Variants in PCED1B observed in about 807,000 individuals in gnomAD.
PCED1B encodes PC-esterase domain-containing protein 1B.
For synonymous variants in PCED1B, 251 were observed against 246.1 expected (o/e 1.02, Z -0.19); for missense variants, 573 against 573.9 (o/e 1.00, Z 0.02).
At chr12:47,090,389 T>G (rs1011964143) in intron 1 of PCED1B, among the ~76,000 whole-genome samples, 15 of 152,154 alleles carry the variant, frequency 9.9e-5, no homozygotes, top group African/African-American at 3.6e-4. Context: ...TAAATATGTA[T>G]ATCGAATGTG....
At chr12:47,234,847 C>T (rs1943920956) in intron 3 of PCED1B, among the ~76,000 whole-genome samples, 160 bp from the exon 4 acceptor site, 1 of 152,218 alleles carries the variant, frequency 6.6e-6, no homozygotes, top group East Asian at 1.9e-4. Flanking sequence ...CTCCCAGGTC[C>T]GGGCTTGGTG....
At chr12:47,080,756 C>A (rs1176658200) in intron 1 of PCED1B, among the ~76,000 whole-genome samples, 1 of 152,172 alleles carries the variant, frequency 6.6e-6, no homozygotes, top group African/African-American at 2.4e-5. Flanking sequence ...CCAGAGCAGA[C>A]CTTTTTTTCT....
At chr12:47,106,688 T>G (rs776817753) in intron 2 of PCED1B, among the ~76,000 whole-genome samples, 2 of 152,234 alleles carry the variant, frequency 1.3e-5, no homozygotes, top group Non-Finnish European at 2.9e-5. Flanking sequence ...CTCACTTCTC[T>G]GTTTTCCCTC....
intron 2 of PCED1B, chr12:47,210,882 T>A (rs1943056937): frequency 6.6e-6 from 1 of 152,150 alleles, no homozygotes; most frequent in Non-Finnish European, 1.5e-5. Flanking sequence ...AACAATATTT[T>A]TGTAAGTGAT....
chr12:47,106,637 A>G (rs1413538963), intron 2 of PCED1B, among the ~76,000 whole-genome samples: 4 of 152,128 alleles, frequency 2.6e-5, no homozygotes, highest in African/African-American at 9.7e-5. Context: ...CTGGGCGCCC[A>G]TCTCCTTTAT....
At chr12:47,095,976 C>T (rs957083847) in intron 1 of PCED1B, among the ~76,000 whole-genome samples, 1 of 151,992 alleles carries the variant, frequency 6.6e-6, no homozygotes. Flanking sequence ...GCCAGAGAAG[C>T]ATTTATGTAA....
intron 2 of PCED1B, among the ~76,000 whole-genome samples, chr12:47,108,041 T>C (rs1272925763): frequency 1.3e-5 from 2 of 152,030 alleles, no homozygotes; most frequent in Non-Finnish European, 2.9e-5. Flanking sequence ...TAAAATGGTA[T>C]GCCTAGTACC....
intron 2 of PCED1B, among the ~76,000 whole-genome samples, chr12:47,186,875 T>TTTATA (rs1343153326): frequency 6.6e-6 from 1 of 152,182 alleles, no homozygotes; most frequent in Non-Finnish European, 1.5e-5. Context: ...CTGATTTCTT[T>TTTATA]TTATATCCTA....
Position 47,235,329 on chromosome 12 carries a change from T to G in PCED1B, c.266T>G (p.Val89Gly), listed in dbSNP as rs771817985. The change falls in exon 4 of 4, where the codon GTA (valine) becomes GGA (glycine). Residue 89 changes from valine to glycine, a missense_variant. Coordinates refer to ENST00000546455, the MANE Select transcript of PCED1B (RefSeq NM_138371.3). ...GAGTTCCGCTCCGACCACCATCTGG[T>G]ACGTTTTTACTTCCTCACCCGCGTG... Reference protein sequence around the residue: ...VREFRSDHHLVRFYFLTRVYS... With the variant: ...VREFRSDHHLGRFYFLTRVYS... The G allele has an allele frequency of 3.6e-5, 58 of 1,613,970 alleles. No individual in the cohort carries two copies. The highest frequency in any genetic ancestry group is 4.8e-5 in the Non-Finnish European group (57 of 1,180,042).
chr12:47,111,090 G>A lies in PCED1B; in HGVS notation c.-526+6895G>A, dbSNP rs142710895. Among the ~76,000 whole-genome samples the A allele has an allele frequency of 2.9e-4, 44 of 152,310 alleles. No individual in the cohort carries two copies. The East Asian group carries it at 8.3e-3, about 29-fold the overall frequency. On this transcript the variant is annotated intron_variant, in intron 2 of 3. Transcript: ENST00000546455. ...AATTGATTTTTGGTACAACTGAAGA[G>A]TCTATTTAACATTTGGGTTGCCTTA... is the stretch of plus-strand genomic sequence containing the variant.
At chr12:47,199,477 T>C (rs773137203) in intron 2 of PCED1B, among the ~76,000 whole-genome samples, 1 of 152,212 alleles carries the variant, frequency 6.6e-6, no homozygotes, top group Non-Finnish European at 1.5e-5. Context: ...ACTGACACTA[T>C]CTGGCATCGA....
chr12:47,190,806 G>C (rs565735305), intron 2 of PCED1B, among the ~76,000 whole-genome samples: 1 of 152,168 alleles, frequency 6.6e-6, no homozygotes, highest in African/African-American at 2.4e-5. Flanking sequence ...ATGAGGGTGC[G>C]AGAGGCACCT....
intron 2 of PCED1B, among the ~76,000 whole-genome samples, chr12:47,211,944 G>T (rs1943100066): frequency 6.6e-6 from 1 of 150,454 alleles, no homozygotes. Context: ...GCGTAGTGGC[G>T]GGCGCCTGTA....
intron 2 of PCED1B, among the ~76,000 whole-genome samples, chr12:47,187,303 A>G (rs1942302637): frequency 6.6e-6 from 1 of 152,182 alleles, no homozygotes; most frequent in African/African-American, 2.4e-5. Flanking sequence ...CCTAAAACCA[A>G]GAAATGGGTG....
At chr12:47,158,014 T>C (rs1466127547) in intron 2 of PCED1B, among the ~76,000 whole-genome samples, 3 of 152,230 alleles carry the variant, frequency 2.0e-5, no homozygotes, top group Admixed American at 1.3e-4. Context: ...TGTATGTATG[T>C]ACCACATTTC....
intron 2 of PCED1B, among the ~76,000 whole-genome samples, chr12:47,194,082 C>T (rs1942527337): frequency 1.3e-5 from 2 of 152,190 alleles, no homozygotes; most frequent in African/African-American, 2.4e-5. Flanking sequence ...GCAGGAGTGG[C>T]CGCTTGCCCT....
intron 2 of PCED1B, among the ~76,000 whole-genome samples, chr12:47,201,097 C>T (rs1163786163): frequency 6.6e-6 from 1 of 151,792 alleles, no homozygotes; most frequent in Non-Finnish European, 1.5e-5. Flanking sequence ...CTCTCGGCCC[C>T]GAAGAAGGGG....
At chr12:47,199,496 A>G (rs1356360790) in intron 2 of PCED1B, among the ~76,000 whole-genome samples, 1 of 152,248 alleles carries the variant, frequency 6.6e-6, no homozygotes, top group Non-Finnish European at 1.5e-5. Context: ...GAGTGTTACT[A>G]TAAAGCTATA....
At chr12:47,181,974 G>T (rs1356970639) in intron 2 of PCED1B, among the ~76,000 whole-genome samples, 1 of 152,152 alleles carries the variant, frequency 6.6e-6, no homozygotes, top group African/African-American at 2.4e-5. Context: ...TAATGGAAAG[G>T]CTGAAGGCTT....
Sources: gnomAD v4.1 joint callset for allele counts (sites outside exome capture counted in the v4.1 genomes callset) on GRCh38, gnomAD v4.1.1 for gene constraint, MANE v1.5 for transcripts, NCBI Gene and HGNC (gene_info 2026-07-23, HGNC 2026-07-21) for gene names.